Variants in NRG1 observed in about 807,000 individuals in gnomAD.
NRG1 encodes the protein neuregulin 1.
NRG1 carries 18 observed loss-of-function variants against 63.8 expected under a neutral mutation model. That is an observed-to-expected ratio of 0.28 (90% CI 0.19 to 0.42). NRG1 has a LOEUF of 0.42. Among genes scored for constraint, NRG1 ranks in the 10% least tolerant of loss-of-function variants. The pLI, the probability that NRG1 is intolerant of heterozygous loss-of-function variation, is 1.00. For synonymous variants in NRG1, 302 were observed against 301.3 expected, an observed-to-expected ratio of 1.00 and a Z score of -0.02; for missense variants, 762 against 814.7, an observed-to-expected ratio of 0.94 and a Z score of 0.79.
chr8:32,200,672 T>C (rs720685), intron 1 of NRG1, among the ~76,000 whole-genome samples: 8,471 of 152,252 alleles, frequency 0.056, 403 homozygotes, highest in East Asian at 0.26. Context: ...TAGAAAGCTG[T>C]CTTTTCTATA....
At chr8:32,140,448 T>C (rs1474879318) in intron 1 of NRG1, among the ~76,000 whole-genome samples, 1 of 151,928 alleles carries the variant, frequency 6.6e-6, no homozygotes, top group Admixed American at 6.6e-5. Flanking sequence ...CCTGCTGAAA[T>C]GCTTTTCTTC....
chr8:31,721,282 T>C (rs552210078), intron 1 of NRG1, among the ~76,000 whole-genome samples: 1 of 152,318 alleles, frequency 6.6e-6, no homozygotes, highest in Admixed American at 6.5e-5. Flanking sequence ...TAGGCTATTC[T>C]TTCCATAGGA....
chr8:32,521,269 C>T (rs762915306), intron 1 of NRG1, among the ~76,000 whole-genome samples: 11 of 152,064 alleles, frequency 7.2e-5, no homozygotes, highest in Non-Finnish European at 1.0e-4. Flanking sequence ...GTCTGTCTTT[C>T]CCTAAAGCAA....
At chr8:31,763,496 C>G (rs1817753002) in intron 1 of NRG1, among the ~76,000 whole-genome samples, 1 of 152,182 alleles carries the variant, frequency 6.6e-6, no homozygotes, top group South Asian at 2.1e-4. Context: ...TTCCCCCTTT[C>G]CATGTTTAAA....
At chr8:31,761,684 A>G (rs1184238213) in intron 1 of NRG1, among the ~76,000 whole-genome samples, 2 of 152,104 alleles carry the variant, frequency 1.3e-5, no homozygotes, top group Admixed American at 6.5e-5. Flanking sequence ...CGTGGGAGTG[A>G]TTTGTGGTGC....
intron 1 of NRG1, among the ~76,000 whole-genome samples, chr8:32,100,377 T>C (rs1830417656): frequency 6.6e-6 from 1 of 152,172 alleles, no homozygotes; most frequent in South Asian, 2.1e-4. Context: ...CAACAATGCC[T>C]GAGGCTAATA....
intron 1 of NRG1, among the ~76,000 whole-genome samples, chr8:31,937,762 G>T (rs1247004334): frequency 6.6e-6 from 1 of 152,072 alleles, no homozygotes; most frequent in Non-Finnish European, 1.5e-5. Context: ...CCACTTCTCT[G>T]GTATCCTGTA....
At chr8:32,372,215 C>A (rs2129482804) in intron 1 of NRG1, among the ~76,000 whole-genome samples, 1 of 152,048 alleles carries the variant, frequency 6.6e-6, no homozygotes, top group Non-Finnish European at 1.5e-5. Context: ...TCTCAAACTC[C>A]TGGCCTCAAA....
chr8:32,210,798 T>C (rs1044145378), intron 1 of NRG1, among the ~76,000 whole-genome samples: 2 of 152,246 alleles, frequency 1.3e-5, no homozygotes, highest in Non-Finnish European at 2.9e-5. Flanking sequence ...CTGATACTTG[T>C]TGGGCTTAGC....
At chr8:32,154,961 ATTG>A (rs1288368336) in intron 1 of NRG1, among the ~76,000 whole-genome samples, 1 of 152,178 alleles carries the variant, frequency 6.6e-6, no homozygotes, top group Non-Finnish European at 1.5e-5. Context: ...ATCGCAGGGA[ATTG>A]TTATAATTGT....
At chr8:32,216,201 A>G (rs1845209996) in intron 1 of NRG1, among the ~76,000 whole-genome samples, 1 of 150,414 alleles carries the variant, frequency 6.6e-6, no homozygotes, top group Admixed American at 6.7e-5. Flanking sequence ...TGTTATTATA[A>G]CATATTATAT....
chr8:32,548,093 C>G (rs933473678), upstream of NRG1: 6 of 541,716 alleles, frequency 1.1e-5, no homozygotes, highest in Non-Finnish European at 1.4e-5. Context: ...GCCGCCACCC[C>G]CCGCCCGGCC....
chr8:32,437,111 C>A (rs1414214394), intron 1 of NRG1, among the ~76,000 whole-genome samples: 1 of 152,056 alleles, frequency 6.6e-6, no homozygotes, highest in African/African-American at 2.4e-5. Flanking sequence ...AGGGGATCTT[C>A]CACTTCCTAA....
intron 1 of NRG1, among the ~76,000 whole-genome samples, chr8:31,922,325 T>C (rs1474530172): frequency 6.6e-6 from 1 of 152,136 alleles, no homozygotes; most frequent in Non-Finnish European, 1.5e-5. Flanking sequence ...GGTGTAAATA[T>C]CCCCACCATG....
intron 1 of NRG1, among the ~76,000 whole-genome samples, chr8:32,171,871 A>G (rs1044325896): frequency 5.3e-5 from 8 of 152,172 alleles, no homozygotes; most frequent in Non-Finnish European, 1.2e-4. Context: ...GGTGGAGCCA[A>G]CCGCAGCTCA....
intron 1 of NRG1, among the ~76,000 whole-genome samples, chr8:31,683,823 T>C (rs1024332450): frequency 6.6e-6 from 1 of 152,140 alleles, no homozygotes; most frequent in African/African-American, 2.4e-5. Context: ...CTCTCACTAC[T>C]TTCTGTTCTA....
chr8:32,063,903 G>A (rs1404100604), intron 1 of NRG1, among the ~76,000 whole-genome samples: 2 of 151,944 alleles, frequency 1.3e-5, no homozygotes, highest in East Asian at 1.9e-4. Context: ...CCTGGGTGGG[G>A]GCAGTACGTG....
chr8:32,065,150 T>C (rs1218318673), intron 1 of NRG1, among the ~76,000 whole-genome samples: 1 of 151,840 alleles, frequency 6.6e-6, no homozygotes, highest in Non-Finnish European at 1.5e-5. Flanking sequence ...AAAAAAGTGC[T>C]TGGGATGGGG....
chr8:32,357,347 A>C (rs1044511569), intron 1 of NRG1, among the ~76,000 whole-genome samples: 3 of 152,234 alleles, frequency 2.0e-5, no homozygotes, highest in African/African-American at 7.2e-5. Flanking sequence ...AAAATCATGG[A>C]GGACAGCAGT....
Sources: allele counts gnomAD v4.1 joint callset (sites outside exome capture counted in the v4.1 genomes callset), GRCh38; gene constraint gnomAD v4.1.1; transcripts MANE v1.5; gene names NCBI Gene and HGNC (gene_info 2026-07-23, HGNC 2026-07-21).